Variants in ZNF860 observed in about 807,000 individuals in gnomAD.
ZNF860 encodes the protein zinc finger protein 860.
For missense variants in ZNF860, 641 were observed against 759.2 expected (o/e 0.84, Z 1.83); for synonymous variants, 206 against 248.9 (o/e 0.83, Z 1.62).
intron 1 of ZNF860, among the ~76,000 whole-genome samples, 181 bp from the exon 2 acceptor site, chr3:31,988,479 G>A (rs2125518246): frequency 6.6e-6 from 1 of 152,322 alleles, no homozygotes; most frequent in South Asian, 2.1e-4. Context: ...CTTTAGAGGT[G>A]AAACTTAATT....
At chr3:31,982,680 C>G (rs1698874464) in intron 1 of ZNF860, among the ~76,000 whole-genome samples, 1 of 151,968 alleles carries the variant, frequency 6.6e-6, no homozygotes, top group African/African-American at 2.4e-5. Flanking sequence ...AAGAGCTTGC[C>G]TGGACCAAAT....
the ZNF860 span, among the ~76,000 whole-genome samples, chr3:31,999,260 T>C: frequency 1.1e-4 from 16 of 152,308 alleles, no homozygotes; most frequent in Non-Finnish European, 1.6e-4. Flanking sequence ...CTGATTCCCC[T>C]ATGTCAGTGA....
chr3:32,001,997 C>G, the ZNF860 span, among the ~76,000 whole-genome samples: 1 of 152,144 alleles, frequency 6.6e-6, no homozygotes, highest in Non-Finnish European at 1.5e-5. Context: ...GTAAGACATT[C>G]ATTTTGCTCA....
Position 31,990,071 on chromosome 3 carries a change from G to A in ZNF860, c.992G>A (p.Arg331Lys). Residue 331 changes from arginine to lysine, a missense_variant, in exon 2 of 2, where the codon AGA (arginine) becomes AAA (lysine). Coordinates refer to ENST00000360311, the MANE Select transcript of ZNF860 (RefSeq NM_001137674.3). ...TTTAGTCGCAAATCAAATCTTGAAA[G>A]ACATAGGAGAATTCATACTGGAGAG... is the stretch of plus-strand genomic sequence containing the variant. ...KVFSRKSNLE[R>K]HRRIHTGEKP... The A allele has an allele frequency of 6.2e-7, 1 of 1,613,944 alleles. No individual in the cohort carries two copies. Among genetic ancestry groups the A allele is most frequent in the Non-Finnish European group, 8.5e-7 (1 of 1,179,904 alleles).
chr3:31,995,781 T>C (rs999170365), downstream of ZNF860, among the ~76,000 whole-genome samples: 9 of 152,214 alleles, frequency 5.9e-5, no homozygotes, highest in African/African-American at 2.2e-4. Context: ...GGTCCCTCCA[T>C]TCAGGGTCCC....
Position 31,991,096 on chromosome 3 carries a change from A to C in ZNF860, c.*118A>C. ...TTAGAGTCAATTCAGCATTGACTTG[A>C]GTTTCAGTTGACTTGACATTGAGTT... On this transcript the variant is annotated 3_prime_UTR_variant, in exon 2 of 2. Transcript: ENST00000360311. The C allele has an allele frequency of 6.0e-6, 6 of 1,002,394 alleles. No homozygotes were observed. Among genetic ancestry groups the C allele is most frequent in the Non-Finnish European group, 8.8e-6 (6 of 678,722 alleles). The allele number at this position is 1,002,394 out of a possible 1,614,324, so 62.1% of individuals were successfully genotyped here.
At chr3:31,984,609 G>A (rs1044660348) in intron 1 of ZNF860, among the ~76,000 whole-genome samples, 2 of 152,098 alleles carry the variant, frequency 1.3e-5, no homozygotes, top group Admixed American at 1.3e-4. Context: ...AGGAGTGATG[G>A]GGAGGTTAGA....
At chr3:31,986,010 C>T (rs967833044) in intron 1 of ZNF860, among the ~76,000 whole-genome samples, 2 of 152,146 alleles carry the variant, frequency 1.3e-5, no homozygotes, top group East Asian at 1.9e-4. Flanking sequence ...TCTTAGCCAC[C>T]GTATTATACC....
At chr3:31,997,854 C>A in the ZNF860 span, among the ~76,000 whole-genome samples, 2 of 152,194 alleles carry the variant, frequency 1.3e-5, no homozygotes, top group Admixed American at 6.5e-5. Flanking sequence ...TTGGCACAAT[C>A]CCAACTCATG....
the ZNF860 span, among the ~76,000 whole-genome samples, chr3:31,997,745 G>C: frequency 6.6e-6 from 1 of 151,964 alleles, no homozygotes; most frequent in African/African-American, 2.4e-5. Context: ...CCTTGTCATG[G>C]AGCAACTTGC....
the ZNF860 span, among the ~76,000 whole-genome samples, chr3:31,996,732 A>C: frequency 2.0e-5 from 3 of 152,230 alleles, no homozygotes; most frequent in African/African-American, 7.2e-5. Flanking sequence ...TAGAAGAAAG[A>C]AAGCAAAAGC....
At chr3:31,993,646 A>T (rs1699058619), downstream of ZNF860, among the ~76,000 whole-genome samples, 1 of 151,808 alleles carries the variant, frequency 6.6e-6, no homozygotes, top group Non-Finnish European at 1.5e-5. Context: ...ACAATGAGAT[A>T]CTACTACATA....
Position 31,991,216 on chromosome 3 carries a change from C to A in ZNF860, c.*238C>A, listed in dbSNP as rs189162672. The A allele has an allele frequency of 2.1e-6, 1 of 478,208 alleles. No homozygotes were observed. Among genetic ancestry groups the A allele is most frequent in the Non-Finnish European group, 3.8e-6 (1 of 264,658 alleles). The allele number at this position is 478,208 out of a possible 1,614,324, so 29.6% of individuals were successfully genotyped here. A position where few individuals can be genotyped will look rare whatever the true frequency, so the allele number is the denominator to read the frequency against. On this transcript the variant is annotated 3_prime_UTR_variant, in exon 2 of 2. Transcript: ENST00000360311. ...ATCCCAGCACTGTGGGAGGTCAAGA[C>A]GGATAGATCACTTGAGGTCAGGAGT...
rs1475465822 is a variant in ZNF860 at position 31,989,124 on chromosome 3, A to C, written c.45A>C (p.Pro15=). ...CTCAGAAGAGGAAAGAAAAGGAGCC[A>C]GGCATGGCTCTTCCTCAGGGACACT... ...EAAQKRKEKE[P]GMALPQGHLT... Residue 15 remains proline, a synonymous_variant, in exon 2 of 2, where the codon CCA becomes CCC. Transcript: ENST00000360311. 3 of 1,614,084 alleles carry C rather than the reference A, an allele frequency of 1.9e-6. No homozygotes were observed. The highest frequency in any genetic ancestry group is 2.5e-6 in the Non-Finnish European group (3 of 1,180,028).
the ZNF860 span, among the ~76,000 whole-genome samples, chr3:32,005,612 G>A: frequency 1.1e-4 from 16 of 152,082 alleles, no homozygotes; most frequent in African/African-American, 3.6e-4. Flanking sequence ...TCTCTGAGAT[G>A]GAGTTTCACT....
At chr3:31,983,106 T>G (rs1187001452) in intron 1 of ZNF860, among the ~76,000 whole-genome samples, 1 of 152,206 alleles carries the variant, frequency 6.6e-6, no homozygotes, top group East Asian at 1.9e-4. Context: ...CCATGTAACA[T>G]GCACAAAATG....
chr3:32,003,121 T>C, the ZNF860 span, among the ~76,000 whole-genome samples: 4 of 152,094 alleles, frequency 2.6e-5, no homozygotes, highest in African/African-American at 9.7e-5. Context: ...CAGAGGGTGG[T>C]AAATTGGAGG....
At position 31,989,020 on chromosome 3, in the gene ZNF860, G is replaced by C. The variant is rs779297932; in HGVS notation, c.-60G>C. The C allele has an allele frequency of 4.8e-5, 76 of 1,597,124 alleles. No homozygotes were observed. Among genetic ancestry groups the C allele is most frequent in the Non-Finnish European group, 6.3e-5 (74 of 1,169,530 alleles). On this transcript the variant is annotated 5_prime_UTR_variant, in exon 2 of 2. Coordinates refer to ENST00000360311, the MANE Select transcript of ZNF860 (RefSeq NM_001137674.3). ...CTCGGAAACAGATAACTAATACAGA[G>C]CAGGAAGCAGATCGCCTCAGTGAAG...
chr3:32,003,985 A>C, the ZNF860 span, among the ~76,000 whole-genome samples: 1 of 152,190 alleles, frequency 6.6e-6, no homozygotes, highest in Non-Finnish European at 1.5e-5. Flanking sequence ...GTGAGATAAA[A>C]GGAGTTGTCA....
Sources: allele counts gnomAD v4.1 joint callset (sites outside exome capture counted in the v4.1 genomes callset), GRCh38; gene constraint gnomAD v4.1.1; transcripts MANE v1.5; gene names NCBI Gene and HGNC (gene_info 2026-07-23, HGNC 2026-07-21).